Variants in FRMD8 observed in about 807,000 individuals in gnomAD.
FRMD8 encodes the protein FERM domain-containing protein 8.
FRMD8 carries 37 observed loss-of-function variants against 54.2 expected under a neutral mutation model. The observed-to-expected ratio is 0.68, with a 90% CI of 0.53 to 0.90. FRMD8 has a LOEUF of 0.90. FRMD8 is among the 40% of genes least tolerant of loss of function. The probability of loss-of-function intolerance (pLI) is 0.00; values close to 1 mark genes in which losing one functional copy is unlikely to be tolerated. For synonymous variants in FRMD8, 246 were observed against 286.9 expected, an observed-to-expected ratio of 0.86 and a Z score of 1.44; for missense variants, 585 against 653.7, an observed-to-expected ratio of 0.89 and a Z score of 1.15.
intron 2 of FRMD8, among the ~76,000 whole-genome samples, chr11:65,387,760 G>A (rs1230611282): frequency 6.6e-6 from 1 of 151,950 alleles, no homozygotes; most frequent in East Asian, 1.9e-4. Context: ...GGATGGTCTC[G>A]ATCTCCTGAC....
At chr11:65,395,703 T>C (rs1007358586) in intron 6 of FRMD8, among the ~76,000 whole-genome samples, 2 of 152,212 alleles carry the variant, frequency 1.3e-5, no homozygotes, top group Admixed American at 6.5e-5. Flanking sequence ...TTTGTGAGCC[T>C]GTGCTAGTTG....
At chr11:65,377,490 T>C in the FRMD8 span, 4 of 888,320 alleles carry the variant, frequency 4.5e-6, no homozygotes, top group Middle Eastern at 5.5e-4. Context: ...GAAACCACCC[T>C]TTCCCAGGGT....
Position 65,394,400 on chromosome 11 carries a change from G to A in FRMD8, c.556G>A (p.Gly186Ser), listed in dbSNP as rs778986888. 1.1e-5 allele frequency: 18 copies of A among 1,569,650 alleles called. No individual in the cohort carries two copies. The highest frequency in any genetic ancestry group is 1.7e-4 in the Middle Eastern group (1 of 5,984). The change falls in exon 6 of 11, where the codon GGC (glycine) becomes AGC (serine). Residue 186 changes from glycine (G) to serine (S), a missense_variant. Coordinates refer to ENST00000317568, the MANE Select transcript of FRMD8 (RefSeq NM_031904.5). ...CGTGCAGCTTGGGCCCTACCAGCCC[G>A]GCCGGCCGGCAGCCTGCGACCTGAG... The part of the protein sequence containing the change: ...CRVQLGPYQP[G>S]RPAACDLREK...
intron 9 of FRMD8, among the ~76,000 whole-genome samples, 166 bp downstream of exon 9, chr11:65,401,033 A>G (rs1024308049): frequency 4.6e-5 from 7 of 152,184 alleles, no homozygotes; most frequent in African/African-American, 1.4e-4. Flanking sequence ...CTGCTGACCC[A>G]GAGCTGCCCT....
chr11:65,376,484 T>TG, the FRMD8 span: 1 of 1,614,188 alleles, frequency 6.2e-7, no homozygotes, highest in East Asian at 2.2e-5. Flanking sequence ...GCACTGTTGA[T>TG]GGTGACCCCC....
the FRMD8 span, chr11:65,379,096 G>C: frequency 2.2e-6 from 1 of 449,302 alleles, no homozygotes; most frequent in Non-Finnish European, 4.0e-6. Flanking sequence ...AGACCCCTCT[G>C]GAGGGGGGCA....
intron 9 of FRMD8, among the ~76,000 whole-genome samples, chr11:65,402,980 T>C (rs1317469343): frequency 2.6e-5 from 4 of 151,946 alleles, no homozygotes; most frequent in Admixed American, 6.6e-5. Flanking sequence ...GCTCACTGCA[T>C]CCTTGACCTC....
At chr11:65,401,106 G>A (rs1856068197) in intron 9 of FRMD8, among the ~76,000 whole-genome samples, 1 of 152,082 alleles carries the variant, frequency 6.6e-6, no homozygotes, top group Admixed American at 6.5e-5. Context: ...GTGGGGTTCG[G>A]GCAGCTGTTT....
At position 65,403,884 on chromosome 11, in the gene FRMD8, T is replaced by C. The variant is rs531262253; in HGVS notation, c.1072-980T>C. 2.8e-4 allele frequency among the ~76,000 whole-genome samples: 43 copies of C among 152,342 alleles called. No individual in the cohort carries two copies. The South Asian group carries it at 8.7e-3, about 31-fold the overall frequency. On this transcript the variant is annotated intron_variant, in intron 9 of 10. Transcript: ENST00000317568. The stretch of plus-strand genomic sequence containing the variant: ...GGAAACTTAGTAGGCTTCCCTGTTA[T>C]GGTTGCACTCAGGACTCTGTCCCCA...
chr11:65,393,920 C>A lies in FRMD8; in HGVS notation c.356-121C>A, dbSNP rs1240360209. On this transcript the variant is annotated intron_variant, in intron 4 of 10. Coordinates refer to ENST00000317568, the MANE Select transcript of FRMD8 (RefSeq NM_031904.5). Reference sequence around the variant, plus strand: ...TGAGCTGCACACTCCACCCTCTGCACGGCCCTCCGGTTTTCTCAGCCCTGG... The same window carrying A: ...TGAGCTGCACACTCCACCCTCTGCAAGGCCCTCCGGTTTTCTCAGCCCTGG... 7 of 1,060,226 alleles carry A rather than the reference C, an allele frequency of 6.6e-6. No individual in the cohort carries two copies. The Admixed American group carries it at 1.2e-4, about 18-fold the overall frequency. 65.7% of individuals were successfully genotyped at this position (1,060,226 alleles called of 1,614,324 possible). A position where few individuals can be genotyped will look rare whatever the true frequency, so the allele number is the denominator to read the frequency against.
Position 65,400,698 on chromosome 11 carries a change from C to G in FRMD8, c.928-26C>G, listed in dbSNP as rs1264707937. The G allele has an allele frequency of 3.2e-6, 5 of 1,551,690 alleles. No homozygotes were observed. Among genetic ancestry groups the G allele is most frequent in the East Asian group, 4.6e-5 (2 of 43,386 alleles). The stretch of plus-strand genomic sequence containing the variant: ...GCAGACCTCTGCCCAGGGGTCAAGC[C>G]TGGCTCTGTGTCTCCTGCTGGCCAG... On this transcript the variant is annotated intron_variant, in intron 8 of 10. Coordinates refer to ENST00000317568, the MANE Select transcript of FRMD8 (RefSeq NM_031904.5). The surrounding 1 kb of genome is among the most constrained non-coding windows in gnomAD (Gnocchi z 4.3).
At chr11:65,371,769 C>T in the FRMD8 span, among the ~76,000 whole-genome samples, 1 of 152,166 alleles carries the variant, frequency 6.6e-6, no homozygotes, top group African/African-American at 2.4e-5. Flanking sequence ...TGCGTGCCAC[C>T]ATGCCCGGCT....
At chr11:65,380,183 G>A in the FRMD8 span, 3 of 1,614,192 alleles carry the variant, frequency 1.9e-6, no homozygotes, top group South Asian at 1.1e-5. Flanking sequence ...CGCCTGTGGT[G>A]ACAAGAGGGT....
intron 3 of FRMD8, among the ~76,000 whole-genome samples, chr11:65,392,781 G>T (rs891269783): frequency 1.3e-5 from 2 of 152,178 alleles, no homozygotes; most frequent in Non-Finnish European, 2.9e-5. Flanking sequence ...GCAAACAGAT[G>T]TGGCACCATT....
Position 65,411,470 on chromosome 11 carries a change from GC to G in FRMD8, c.*111del, listed in dbSNP as rs888125912. The G allele has an allele frequency of 3.0e-6, 2 of 663,620 alleles. No individual in the cohort carries two copies. Among genetic ancestry groups the G allele is most frequent in the African/African-American group, 3.7e-5 (2 of 53,452 alleles). 41.1% of individuals were successfully genotyped at this position (663,620 alleles called of 1,614,324 possible). On this transcript the variant is annotated 3_prime_UTR_variant, in exon 11 of 11. Transcript: ENST00000317568. ...TCTCATGGGTCACCACGTGGGGAGGGCTGCCTCAGCAGGTTTCTCAGACCAC... is the reference window on the plus strand; with the variant it reads ...TCTCATGGGTCACCACGTGGGGAGGGTGCCTCAGCAGGTTTCTCAGACCAC...
At chr11:65,396,777 A>G in intron 6 of FRMD8, 22 bp from the exon 7 acceptor site, 1 of 1,460,950 alleles carries the variant, frequency 6.8e-7, no homozygotes, top group Non-Finnish European at 9.1e-7. Context: ...GGCCGCTAGC[A>G]CCTGTCTTCC....
At chr11:65,392,244 A>G (rs1385620769) in intron 3 of FRMD8, among the ~76,000 whole-genome samples, 1 of 152,092 alleles carries the variant, frequency 6.6e-6, no homozygotes, top group Admixed American at 6.5e-5. Flanking sequence ...GCTGTGGGCA[A>G]GGGGGCCCGT....
chr11:65,393,967 G>A (rs774356121), intron 4 of FRMD8, 74 bp from the exon 5 acceptor site: 69 of 1,524,978 alleles, frequency 4.5e-5, no homozygotes, highest in Non-Finnish European at 6.1e-5. Context: ...GGTGGCCAGG[G>A]CCTGGGCCAA....
chr11:65,392,415 T>G (rs553344139), intron 3 of FRMD8, among the ~76,000 whole-genome samples: 1 of 152,294 alleles, frequency 6.6e-6, no homozygotes, highest in South Asian at 2.1e-4. Context: ...TCGGGAAGCT[T>G]GGAGCAAGCG....
Sources: gnomAD v4.1 joint callset for allele counts (sites outside exome capture counted in the v4.1 genomes callset) on GRCh38, gnomAD v4.1.1 for gene constraint, Gnocchi (gnomAD v3.1) non-coding constraint, MANE v1.5 for transcripts, NCBI Gene and HGNC (gene_info 2026-07-23, HGNC 2026-07-21) for gene names.